HS3ST5: variants seen among roughly 807,000 people sequenced by gnomAD.
HS3ST5 encodes the protein heparan sulfate glucosamine 3-O-sulfotransferase 5.
HS3ST5 carries 10 observed loss-of-function variants against 25.4 expected under a neutral mutation model. That is an observed-to-expected ratio of 0.39 (90% CI 0.24 to 0.67). The LOEUF is 0.67. HS3ST5 is among the 30% of genes least tolerant of loss of function. The pLI, the probability that HS3ST5 is intolerant of heterozygous loss-of-function variation, is 0.44. For synonymous variants in HS3ST5, 170 were observed against 162.4 expected (o/e 1.05, Z -0.36); for missense variants, 324 against 420.7 (o/e 0.77, Z 2.01).
intron 1 of HS3ST5, among the ~76,000 whole-genome samples, chr6:114,256,345 GCCACTGCA>G (rs1772918827): frequency 6.7e-6 from 1 of 149,826 alleles, no homozygotes; most frequent in African/African-American, 2.5e-5. Flanking sequence ...CCGAGATTGC[GCCACTGCA>G]CTCCAGCCTG....
chr6:114,088,305 T>C (rs1774943767), intron 3 of HS3ST5, among the ~76,000 whole-genome samples: 1 of 152,148 alleles, frequency 6.6e-6, no homozygotes, highest in Non-Finnish European at 1.5e-5. Flanking sequence ...ATCCCACATA[T>C]GAAATGTCCA....
chr6:114,331,546 A>G (rs555710382), intron 1 of HS3ST5, among the ~76,000 whole-genome samples: 77 of 152,300 alleles, frequency 5.1e-4, no homozygotes, highest in Admixed American at 1.4e-3. Flanking sequence ...TATTCAGTAA[A>G]TTAAATATGT....
At chr6:114,079,916 C>T (rs141295751) in intron 3 of HS3ST5, among the ~76,000 whole-genome samples, 50 of 152,186 alleles carry the variant, frequency 3.3e-4, no homozygotes, top group African/African-American at 1.2e-3. Flanking sequence ...CCTGGGATTA[C>T]AGGCATGTGC....
chr6:114,279,818 CTCAT>C (rs1774026457), intron 1 of HS3ST5, among the ~76,000 whole-genome samples: 1 of 151,954 alleles, frequency 6.6e-6, no homozygotes, highest in Non-Finnish European at 1.5e-5. Flanking sequence ...AAACAGTGTG[CTCAT>C]TCATTCAACA....
intron 1 of HS3ST5, among the ~76,000 whole-genome samples, chr6:114,258,265 C>T (rs150741258): frequency 2.6e-5 from 4 of 152,244 alleles, no homozygotes; most frequent in Non-Finnish European, 4.4e-5. Flanking sequence ...GAGTGCGTGA[C>T]GATTCCCTTC....
At chr6:114,308,663 T>C (rs1241873501) in intron 1 of HS3ST5, among the ~76,000 whole-genome samples, 3 of 152,116 alleles carry the variant, frequency 2.0e-5, no homozygotes, top group African/African-American at 7.2e-5. Flanking sequence ...AGAATAGCTC[T>C]TTCACTGTTG....
At position 114,057,069 on chromosome 6, in the gene HS3ST5, AT is replaced by A. The variant is rs544459341; in HGVS notation, c.*187del. On this transcript the variant is annotated 3_prime_UTR_variant, in exon 5 of 5. Coordinates refer to ENST00000312719, the MANE Select transcript of HS3ST5 (RefSeq NM_153612.4). ...AAAAGATGCGACTATGCAGACAGCA[AT>A]TTTTTTTTTTTCGTAAATTTTCAGT... 0.018 allele frequency: 6,897 copies of A among 389,096 alleles called. 1 individual carries two copies. Among genetic ancestry groups the A allele is most frequent in the East Asian group, 0.031 (738 of 23,636 alleles). 24.1% of individuals were successfully genotyped at this position (389,096 alleles called of 1,614,324 possible). A position where few individuals can be genotyped will look rare whatever the true frequency, so the allele number is the denominator to read the frequency against.
intron 2 of HS3ST5, among the ~76,000 whole-genome samples, chr6:114,188,108 C>G (rs1341927282): frequency 6.6e-6 from 1 of 152,082 alleles, no homozygotes; most frequent in South Asian, 2.1e-4. Flanking sequence ...GCAACAGAAC[C>G]TGCAATATCT....
At chr6:114,306,255 A>ACATATATG (rs1554226912) in intron 1 of HS3ST5, among the ~76,000 whole-genome samples, 1 of 123,766 alleles carries the variant, frequency 8.1e-6, no homozygotes, top group Non-Finnish European at 1.7e-5. Flanking sequence ...ATATATATAT[A>ACATATATG]TACACACACA....
intron 1 of HS3ST5, among the ~76,000 whole-genome samples, chr6:114,273,784 T>A (rs1773730737): frequency 6.6e-6 from 1 of 151,978 alleles, no homozygotes; most frequent in Non-Finnish European, 1.5e-5. Context: ...AAGAGCAGTT[T>A]CAGGGGAGTT....
chr6:114,139,096 C>G (rs968357058), intron 3 of HS3ST5, among the ~76,000 whole-genome samples: 2 of 152,184 alleles, frequency 1.3e-5, no homozygotes, highest in African/African-American at 4.8e-5. Context: ...CCAACAGCAG[C>G]ACCATTCAGT....
intron 3 of HS3ST5, among the ~76,000 whole-genome samples, chr6:114,083,476 T>C (rs1360989001): frequency 1.3e-5 from 2 of 151,890 alleles, no homozygotes; most frequent in African/African-American, 2.4e-5. Flanking sequence ...CACTACCTCC[T>C]TTGAGGTCAA....
At chr6:114,137,295 G>T (rs1777670910) in intron 3 of HS3ST5, among the ~76,000 whole-genome samples, 1 of 152,090 alleles carries the variant, frequency 6.6e-6, no homozygotes. Context: ...TTAACACTTG[G>T]ATACTAGAAA....
chr6:114,160,150 A>T (rs1778876237), intron 3 of HS3ST5, among the ~76,000 whole-genome samples: 2 of 152,168 alleles, frequency 1.3e-5, no homozygotes, highest in African/African-American at 4.8e-5. Context: ...TAGTTGTATG[A>T]TGCCTGGCAG....
intron 1 of HS3ST5, among the ~76,000 whole-genome samples, chr6:114,272,816 G>T (rs1773690661): frequency 6.6e-6 from 1 of 152,126 alleles, no homozygotes; most frequent in African/African-American, 2.4e-5. Context: ...GAAAATGCCA[G>T]GCATCAGCCG....
chr6:114,320,802 A>T (rs1775934355), intron 1 of HS3ST5, among the ~76,000 whole-genome samples: 1 of 151,968 alleles, frequency 6.6e-6, no homozygotes, highest in South Asian at 2.1e-4. Flanking sequence ...ACAGAAAACC[A>T]TGAAATATTA....
At chr6:114,281,555 C>A (rs973676611) in intron 1 of HS3ST5, among the ~76,000 whole-genome samples, 1 of 151,994 alleles carries the variant, frequency 6.6e-6, no homozygotes, top group Admixed American at 6.6e-5. Context: ...CAGCTCACCA[C>A]TACACTGATG....
intron 3 of HS3ST5, among the ~76,000 whole-genome samples, chr6:114,160,084 A>G (rs1395838399): frequency 6.6e-6 from 1 of 152,184 alleles, no homozygotes; most frequent in Non-Finnish European, 1.5e-5. Context: ...TAATTGTGAC[A>G]GGAATAAAAA....
intron 2 of HS3ST5, among the ~76,000 whole-genome samples, chr6:114,205,373 A>G (rs1236534747): frequency 6.6e-6 from 1 of 152,146 alleles, no homozygotes; most frequent in East Asian, 1.9e-4. Context: ...GCAACTCAGG[A>G]GACACCAAAT....
Sources: allele counts gnomAD v4.1 joint callset (sites outside exome capture counted in the v4.1 genomes callset), GRCh38; gene constraint gnomAD v4.1.1; transcripts MANE v1.5; gene names NCBI Gene and HGNC (gene_info 2026-07-23, HGNC 2026-07-21).